The following SGCZ variants were observed in gnomAD, a reference collection of about 807,000 sequenced individuals.
SGCZ encodes the protein zeta-sarcoglycan.
A neutral mutation model predicts 41.3 loss-of-function variants in SGCZ; 40 were observed. That is an observed-to-expected ratio of 0.97 (90% CI 0.75 to 1.26). SGCZ has a LOEUF of 1.26. Among genes scored for constraint, SGCZ ranks in the 50% most tolerant of loss-of-function variants. The probability of loss-of-function intolerance (pLI) is 0.00; values close to 1 mark genes in which losing one functional copy is unlikely to be tolerated. For missense variants in SGCZ, 552 were observed against 369.8 expected, an observed-to-expected ratio of 1.49 and a Z score of -4.04; for synonymous variants, 206 against 137.5, an observed-to-expected ratio of 1.50 and a Z score of -3.49.
intron 2 of SGCZ, among the ~76,000 whole-genome samples, chr8:14,422,095 T>C (rs1799652098): frequency 6.6e-6 from 1 of 152,168 alleles, no homozygotes; most frequent in East Asian, 1.9e-4. Flanking sequence ...TTAACAAATG[T>C]GGTTTTAACA....
At chr8:14,564,448 G>C (rs188204579) in intron 1 of SGCZ, among the ~76,000 whole-genome samples, 1 of 152,278 alleles carries the variant, frequency 6.6e-6, no homozygotes, top group East Asian at 1.9e-4. Context: ...CCTTCTGTGC[G>C]TCTTAGGGAA....
At chr8:15,042,242 C>A (rs1804127120) in intron 1 of SGCZ, among the ~76,000 whole-genome samples, 1 of 152,104 alleles carries the variant, frequency 6.6e-6, no homozygotes, top group African/African-American at 2.4e-5. Context: ...TGATCGAACC[C>A]ACCAATGGAT....
chr8:15,177,327 T>C (rs1030642650), intron 1 of SGCZ, among the ~76,000 whole-genome samples: 1 of 152,128 alleles, frequency 6.6e-6, no homozygotes, highest in African/African-American at 2.4e-5. Context: ...AGCTGATGGA[T>C]AACGAAAGAG....
intron 1 of SGCZ, among the ~76,000 whole-genome samples, chr8:14,894,022 C>CT (rs1458072462): frequency 1.3e-5 from 2 of 152,010 alleles, no homozygotes; most frequent in Admixed American, 6.6e-5. Context: ...TGGTGAATGG[C>CT]TTTTTTCCTT....
chr8:14,240,344 A>T (rs1218942755), intron 3 of SGCZ, among the ~76,000 whole-genome samples: 3 of 150,746 alleles, frequency 2.0e-5, no homozygotes, highest in Admixed American at 6.6e-5. Context: ...AAAAAAAAAA[A>T]AAAAAAAAAA....
intron 1 of SGCZ, among the ~76,000 whole-genome samples, chr8:14,659,357 T>C (rs537058130): frequency 2.6e-5 from 4 of 152,302 alleles, no homozygotes; most frequent in Admixed American, 2.6e-4. Context: ...CCCATAAGCA[T>C]GTACAATTAT....
At chr8:14,427,058 GAATGAA>G (rs1799805133) in intron 2 of SGCZ, among the ~76,000 whole-genome samples, 4 of 139,826 alleles carry the variant, frequency 2.9e-5, no homozygotes, top group African/African-American at 1.1e-4. Context: ...ATGAATGAAT[GAATGAA>G]TGAGTGAATG....
chr8:14,263,850 G>A (rs1799766099), intron 3 of SGCZ, among the ~76,000 whole-genome samples: 1 of 152,158 alleles, frequency 6.6e-6, no homozygotes, highest in Admixed American at 6.5e-5. Flanking sequence ...ACAACTCAGA[G>A]ACAGACAAAA....
In SGCZ at chr8:15,108,776, C is replaced by T. The variant is rs529056095; in HGVS notation, c.39+128809G>A. Among the ~76,000 whole-genome samples the T allele has an allele frequency of 4.6e-5, 7 of 152,244 alleles. No individual in the cohort carries two copies. The East Asian group carries it at 1.4e-3, about 29-fold the overall frequency. ...GTATTGTAAGAGGCTCTGCTACTAA[C>T]ATGAATACGTCTATGCTGTGTGGTG... On this transcript the variant is annotated intron_variant, in intron 1 of 7. Transcript: ENST00000382080.
At chr8:14,492,333 T>C (rs1247728356) in intron 2 of SGCZ, among the ~76,000 whole-genome samples, 1 of 152,170 alleles carries the variant, frequency 6.6e-6, no homozygotes, top group South Asian at 2.1e-4. Context: ...ACTTTAAAAA[T>C]TATGTTTCTT....
At chr8:15,181,063 C>T (rs1264839533) in intron 1 of SGCZ, among the ~76,000 whole-genome samples, 2 of 152,032 alleles carry the variant, frequency 1.3e-5, no homozygotes, top group South Asian at 2.1e-4. Flanking sequence ...TCCTGAAAAT[C>T]TTGCCACTCA....
chr8:14,618,441 G>A (rs1250002959), intron 1 of SGCZ, among the ~76,000 whole-genome samples: 1 of 152,110 alleles, frequency 6.6e-6, no homozygotes, highest in Non-Finnish European at 1.5e-5. Context: ...CCAGTATAGA[G>A]GTCCTAAGGC....
At position 14,240,327 on chromosome 8, in the gene SGCZ, C is replaced by CAAAAAA. The variant is rs59351247; in HGVS notation, c.337-2654_337-2649dup. ...TGAGTGACAGAGCGAAACTCTGTGT[C>CAAAAAA]AAAAAAAAAAAAAAAAAAAAAAAAA... On this transcript the variant is annotated intron_variant, in intron 3 of 7. Transcript: ENST00000382080. Among the ~76,000 whole-genome samples the CAAAAAA allele has an allele frequency of 1.0e-4, 12 of 115,238 alleles. 1 individual carries two copies. Among genetic ancestry groups the CAAAAAA allele is most frequent in the African/African-American group, 1.9e-4 (6 of 30,898 alleles). The allele number at this position is 115,238 out of a possible 152,430, so 75.6% of individuals were successfully genotyped here. A position where few individuals can be genotyped will look rare whatever the true frequency, so the allele number is the denominator to read the frequency against.
intron 2 of SGCZ, among the ~76,000 whole-genome samples, chr8:14,456,360 A>G (rs1160209093): frequency 2.0e-5 from 3 of 152,190 alleles, no homozygotes; most frequent in Non-Finnish European, 2.9e-5. Flanking sequence ...GAGAGCCAAG[A>G]CTGCACCATT....
intron 4 of SGCZ, among the ~76,000 whole-genome samples, chr8:14,205,898 C>T (rs1367732613): frequency 6.6e-6 from 1 of 152,052 alleles, no homozygotes; most frequent in Non-Finnish European, 1.5e-5. Flanking sequence ...CAAGTTTTCT[C>T]ATAAGAATCA....
intron 3 of SGCZ, among the ~76,000 whole-genome samples, chr8:14,299,408 A>G (rs1016989592): frequency 2.0e-5 from 3 of 152,042 alleles, no homozygotes; most frequent in Non-Finnish European, 4.4e-5. Flanking sequence ...CACAACATAT[A>G]TATCTGAGAA....
rs545300905 is a variant in SGCZ at position 14,805,637 on chromosome 8, T to G, written c.40-250711A>C. ...CTCCCACACATTAATAATGGGAGAC[T>G]TTAACACCCCACTGTCAACATTAGA... On this transcript the variant is annotated intron_variant, in intron 1 of 7. Coordinates refer to ENST00000382080, the MANE Select transcript of SGCZ (RefSeq NM_139167.4). 5.6e-3 allele frequency among the ~76,000 whole-genome samples: 827 copies of G among 148,010 alleles called. 9 individuals carry two copies. Among genetic ancestry groups the G allele is most frequent in the African/African-American group, 0.019 (770 of 41,020 alleles).
chr8:14,756,220 T>G (rs1214755308), intron 1 of SGCZ, among the ~76,000 whole-genome samples: 1 of 147,896 alleles, frequency 6.8e-6, no homozygotes, highest in Admixed American at 7.0e-5. Context: ...AGAGTCTTGC[T>G]CTGTTTCCAG....
intron 2 of SGCZ, among the ~76,000 whole-genome samples, chr8:14,475,335 G>T (rs1801327286): frequency 6.6e-6 from 1 of 152,038 alleles, no homozygotes; most frequent in Admixed American, 6.6e-5. Context: ...TACAAGTAAA[G>T]CAACTAATAA....
Sources: allele counts gnomAD v4.1 joint callset (sites outside exome capture counted in the v4.1 genomes callset), GRCh38; gene constraint gnomAD v4.1.1; transcripts MANE v1.5; gene names NCBI Gene and HGNC (gene_info 2026-07-23, HGNC 2026-07-21).